The following FAM110B variants were observed in gnomAD, a reference collection of about 807,000 sequenced individuals.
The protein encoded by FAM110B is family with sequence similarity 110 member B.
In FAM110B, 6 loss-of-function variants were observed where a neutral mutation model predicts 20.4. That is an observed-to-expected ratio of 0.29 (90% confidence interval 0.16 to 0.58). FAM110B has a LOEUF of 0.58. FAM110B is among the 20% of genes least tolerant of loss of function. The pLI, the probability that FAM110B is intolerant of heterozygous loss-of-function variation, is 0.90. For synonymous variants in FAM110B, 226 were observed against 214.1 expected (o/e 1.06, Z -0.49); for missense variants, 434 against 498.2 (o/e 0.87, Z 1.23).
intron 1 of FAM110B, among the ~76,000 whole-genome samples, chr8:58,008,425 G>A (rs1231384420): frequency 2.0e-5 from 3 of 152,048 alleles, no homozygotes; most frequent in East Asian, 1.9e-4. Context: ...GAGCCACTGC[G>A]CCTGGCTGCA....
intron 1 of FAM110B, among the ~76,000 whole-genome samples, chr8:58,001,450 T>C (rs553528325): frequency 5.3e-5 from 8 of 152,280 alleles, no homozygotes; most frequent in African/African-American, 1.9e-4. Context: ...CAGTTAGAAG[T>C]GGCTCTGCCC....
At position 58,147,080 on chromosome 8, in the gene FAM110B, G is replaced by A. The variant is rs1358008239; in HGVS notation, c.850G>A (p.Asp284Asn). 2.5e-6 allele frequency: 4 copies of A among 1,614,078 alleles called. No individual in the cohort carries two copies. Among genetic ancestry groups the A allele is most frequent in the Admixed American group, 1.7e-5 (1 of 59,998 alleles). Residue 284 changes from aspartate to asparagine, a missense_variant, in exon 4 of 4, where the codon GAC becomes AAC. By Grantham distance (23) the Asp-to-Asn change is conservative. This residue lies in a region of FAM110B where 94 missense variants were observed against 137.8 expected (regional missense o/e 0.68). Transcript: ENST00000519262. ...GAGGTTCTTCAACTACTGTGGACTGGACCCGGAAGAGCTGGAAAACCTGGG... is the reference window on the plus strand; with the variant it reads ...GAGGTTCTTCAACTACTGTGGACTGAACCCGGAAGAGCTGGAAAACCTGGG... The part of the protein sequence containing the change: ...VERFFNYCGL[D>N]PEELENLGME...
At position 58,147,277 on chromosome 8, in the gene FAM110B, T is replaced by G. The variant is rs1462223375; in HGVS notation, c.1047T>G (p.Ala349=). ...PYGISAIERN[A]RIIKWLYSIK... ...GCATTTCTGCCATCGAAAGAAATGC[T>G]AGAATCATCAAGTGGTTATATAGCA... Residue 349 remains alanine, a synonymous_variant, in exon 4 of 4, where the codon GCT becomes GCG. Coordinates refer to ENST00000519262, the MANE Select transcript of FAM110B (RefSeq NM_001377989.1). 1 of 1,614,136 alleles carries G rather than the reference T, an allele frequency of 6.2e-7. No individual in the cohort carries two copies.
chr8:58,116,136 C>T (rs1222262859), intron 3 of FAM110B, among the ~76,000 whole-genome samples: 1 of 152,192 alleles, frequency 6.6e-6, no homozygotes, highest in East Asian at 1.9e-4. Flanking sequence ...ATTGGCTGTA[C>T]TTTTAAAATA....
intron 1 of FAM110B, among the ~76,000 whole-genome samples, chr8:58,021,582 A>C (rs1443712239): frequency 6.6e-6 from 1 of 152,142 alleles, no homozygotes; most frequent in Non-Finnish European, 1.5e-5. Context: ...TTTAGTAGTC[A>C]GAACAACCCA....
At chr8:58,145,711 T>G (rs904987590) in intron 3 of FAM110B, among the ~76,000 whole-genome samples, 196 bp from the exon 4 acceptor site, 4 of 152,230 alleles carry the variant, frequency 2.6e-5, no homozygotes, top group African/African-American at 9.6e-5. Context: ...AGCGTTGTGC[T>G]GCCGCGCGTC....
chr8:58,011,529 A>G (rs911386177), intron 1 of FAM110B, among the ~76,000 whole-genome samples: 10 of 152,180 alleles, frequency 6.6e-5, no homozygotes, highest in East Asian at 1.9e-4. Flanking sequence ...CACGAGATGT[A>G]TGTTACGTAT....
At chr8:58,078,633 C>T (rs1350267478) in intron 3 of FAM110B, among the ~76,000 whole-genome samples, 1 of 146,724 alleles carries the variant, frequency 6.8e-6, no homozygotes, top group Non-Finnish European at 1.5e-5. Flanking sequence ...TCACTGCAAG[C>T]TCCGCCTTCC....
At chr8:58,121,302 T>G (rs1308481980) in intron 3 of FAM110B, among the ~76,000 whole-genome samples, 1 of 152,206 alleles carries the variant, frequency 6.6e-6, no homozygotes, top group Non-Finnish European at 1.5e-5. Context: ...TTTTGATGTA[T>G]TCTCCTGTGG....
chr8:58,125,761 T>A (rs1045138934), intron 3 of FAM110B, among the ~76,000 whole-genome samples: 1 of 152,228 alleles, frequency 6.6e-6, no homozygotes, highest in South Asian at 2.1e-4. Flanking sequence ...TGTTATTTTT[T>A]AAAATCATGA....
chr8:58,097,592 T>A (rs6980927), intron 3 of FAM110B, among the ~76,000 whole-genome samples: 5 of 152,044 alleles, frequency 3.3e-5, no homozygotes, highest in African/African-American at 9.7e-5. Context: ...CCTTGCTGGC[T>A]AGGAGTTGTG....
intron 2 of FAM110B, among the ~76,000 whole-genome samples, chr8:58,031,993 G>A (rs1804971857): frequency 6.6e-6 from 1 of 152,186 alleles, no homozygotes; most frequent in African/African-American, 2.4e-5. Context: ...GGGGAGATTG[G>A]CAAAAACCAT....
intron 2 of FAM110B, among the ~76,000 whole-genome samples, chr8:58,060,691 A>G (rs1221333081): frequency 1.3e-5 from 2 of 152,320 alleles, no homozygotes; most frequent in East Asian, 1.9e-4. Context: ...TGTAAATTTC[A>G]TTGCTGAAAA....
intron 2 of FAM110B, among the ~76,000 whole-genome samples, chr8:58,032,981 GAGGTTTGGGAT>G (rs1804998212): frequency 6.6e-6 from 1 of 152,206 alleles, no homozygotes; most frequent in South Asian, 2.1e-4. Context: ...GTGTGATGCT[GAGGTTTGGGAT>G]ATAAATGATC....
chr8:58,090,345 G>T (rs1197164591), intron 3 of FAM110B, among the ~76,000 whole-genome samples: 1 of 152,172 alleles, frequency 6.6e-6, no homozygotes, highest in Non-Finnish European at 1.5e-5. Flanking sequence ...GTTTCTAGTA[G>T]TGACAGAGTT....
At chr8:58,088,119 T>C (rs567024770) in intron 3 of FAM110B, among the ~76,000 whole-genome samples, 194 of 152,336 alleles carry the variant, frequency 1.3e-3, no homozygotes, top group African/African-American at 4.5e-3. Context: ...AAAATTTATT[T>C]TGATAGTAGT....
At chr8:58,024,611 A>T (rs1030759914) in intron 1 of FAM110B, among the ~76,000 whole-genome samples, 8 of 152,348 alleles carry the variant, frequency 5.3e-5, no homozygotes, top group Admixed American at 1.3e-4. Context: ...AGGACTTAAC[A>T]CAACTCTGCC....
intron 3 of FAM110B, among the ~76,000 whole-genome samples, chr8:58,095,762 G>T (rs973411785): frequency 1.7e-4 from 26 of 152,112 alleles, no homozygotes; most frequent in African/African-American, 6.0e-4. Context: ...GGTCTGCTTG[G>T]TCCAGAGCTG....
intron 3 of FAM110B, among the ~76,000 whole-genome samples, chr8:58,130,936 G>A (rs1803449418): frequency 6.6e-6 from 1 of 152,150 alleles, no homozygotes; most frequent in Non-Finnish European, 1.5e-5. Context: ...CAGCGTCTAA[G>A]AATATTCCCA....
Sources: gnomAD v4.1 joint callset for allele counts (sites outside exome capture counted in the v4.1 genomes callset) on GRCh38, gnomAD v4.1.1 for gene constraint, gnomAD v4.1.1 regional missense constraint, MANE v1.5 for transcripts, NCBI Gene and HGNC (gene_info 2026-07-23, HGNC 2026-07-21) for gene names.